Variants in ROS1 observed in about 807,000 individuals in gnomAD.
The protein encoded by ROS1 is ROS proto-oncogene 1, receptor tyrosine kinase, also known as proto-oncogene tyrosine-protein kinase ROS.
A neutral mutation model predicts 273.5 loss-of-function variants in ROS1; 263 were observed. The observed-to-expected ratio is 0.96, with a 90% CI of 0.87 to 1.06. The LOEUF (loss-of-function observed/expected upper bound fraction) is 1.06, where lower values mean the gene tolerates loss of function less well. ROS1 is among the 50% of genes least tolerant of loss of function. The probability of loss-of-function intolerance (pLI) is 0.00; values close to 1 mark genes in which losing one functional copy is unlikely to be tolerated. For missense variants in ROS1, 2,833 were observed against 2,751.1 expected (o/e 1.03, Z -0.67); for synonymous variants, 1,008 against 954.1 (o/e 1.06, Z -1.04).
intron 4 of ROS1, 127 bp downstream of exon 4, chr6:117,414,392 C>A: frequency 4.5e-6 from 3 of 660,600 alleles, no homozygotes; most frequent in Non-Finnish European, 5.4e-6. Context: ...AGTAATAACA[C>A]TTTGAGGAAG....
At chr6:117,312,862 C>G (rs1395545134) in intron 39 of ROS1, among the ~76,000 whole-genome samples, 1 of 152,106 alleles carries the variant, frequency 6.6e-6, no homozygotes, top group African/African-American at 2.4e-5. Flanking sequence ...CCTTTCATAA[C>G]TCAGTGGGAA....
At chr6:117,289,556 C>T (rs563876944) in intron 43 of ROS1, among the ~76,000 whole-genome samples, 8 of 152,234 alleles carry the variant, frequency 5.3e-5, no homozygotes, top group Admixed American at 1.3e-4. Flanking sequence ...TTTATAAGAA[C>T]GTATGAACTA....
chr6:117,365,953 T>G, intron 19 of ROS1, 123 bp downstream of exon 19: 1 of 905,648 alleles, frequency 1.1e-6, no homozygotes, highest in Non-Finnish European at 1.7e-6. Context: ...GCAAACCAAT[T>G]GAAATTACTG....
chr6:117,373,250 C>T (rs1022082426), intron 18 of ROS1, among the ~76,000 whole-genome samples: 2 of 152,224 alleles, frequency 1.3e-5, no homozygotes, highest in Non-Finnish European at 2.9e-5. Context: ...GTGCCAGGGC[C>T]GTGGGTGGAG....
rs767383557 is a variant in ROS1 at position 117,366,070 on chromosome 6, C to G, written c.2797+6G>C. On this transcript the variant is annotated splice_donor_region_variant and intron_variant, in intron 19 of 43. Transcript: ENST00000368507. The stretch of plus-strand genomic sequence containing the variant: ...GAGTAGGGTAAGCAGGAATGAAATA[C>G]TGTACCTGGCAGGGGCTTAAGGGAT... 1 of 1,605,914 alleles carries G rather than the reference C, an allele frequency of 6.2e-7. No homozygotes were observed. The highest frequency in any genetic ancestry group is 1.1e-5 in the South Asian group (1 of 90,902).
At chr6:117,292,824 C>T (rs566195597) in intron 43 of ROS1, among the ~76,000 whole-genome samples, 37 of 152,168 alleles carry the variant, frequency 2.4e-4, no homozygotes, top group Non-Finnish European at 4.4e-4. Flanking sequence ...TTGCCAAGTC[C>T]GATAGCATCT....
intron 2 of ROS1, among the ~76,000 whole-genome samples, chr6:117,416,808 C>G (rs1048263907): frequency 1.3e-5 from 2 of 152,102 alleles, no homozygotes; most frequent in African/African-American, 2.4e-5. Flanking sequence ...CCACAGCTGC[C>G]CTGAAAACCC....
intron 1 of ROS1, 91 bp from the exon 2 acceptor site, chr6:117,418,597 G>A (rs879170382): frequency 1.2e-5 from 11 of 886,036 alleles, no homozygotes; most frequent in South Asian, 3.9e-5. Context: ...CTGAAATAAC[G>A]TTGCCTCCTC....
chr6:117,362,518 G>A, intron 22 of ROS1, 85 bp downstream of exon 22: 1 of 1,327,318 alleles, frequency 7.5e-7, no homozygotes, highest in Middle Eastern at 1.9e-4. Flanking sequence ...CATTTACACT[G>A]TAACATATCC....
rs1776075507 is a variant in ROS1 at position 117,425,552 on chromosome 6, C to T, written c.105G>A (p.Lys35=). 6.2e-7 allele frequency: 1 copy of T among 1,601,390 alleles called. No homozygotes were observed. Among genetic ancestry groups the T allele is most frequent in the Admixed American group, 1.8e-5 (1 of 56,930 alleles). Residue 35 remains lysine, a synonymous_variant, in exon 1 of 44, where the codon AAG becomes AAA. Coordinates refer to ENST00000368507, the MANE Select transcript of ROS1 (RefSeq NM_001378902.1). ...GACTTACCAGATTAGTTACACACGACTTTAGGCAGCTATTTAAAACTGTAC... is the reference window on the plus strand; with the variant it reads ...GACTTACCAGATTAGTTACACACGATTTTAGGCAGCTATTTAAAACTGTAC... ...VQCTVLNSCL[K]SCVTNLGQQL...
intron 32 of ROS1, among the ~76,000 whole-genome samples, 193 bp downstream of exon 32, chr6:117,336,979 G>C (rs1562284916): frequency 1.3e-5 from 2 of 152,084 alleles, no homozygotes; most frequent in Non-Finnish European, 1.5e-5. Flanking sequence ...GATCCAGCCA[G>C]ACCCAGCCAG....
chr6:117,386,233 C>T (rs1188306381), intron 15 of ROS1, among the ~76,000 whole-genome samples: 1 of 152,228 alleles, frequency 6.6e-6, no homozygotes, highest in Non-Finnish European at 1.5e-5. Context: ...CAAGAGGAAG[C>T]CCAGACTCAG....
At chr6:117,330,127 C>T (rs985803142) in intron 32 of ROS1, among the ~76,000 whole-genome samples, 2 of 152,206 alleles carry the variant, frequency 1.3e-5, no homozygotes. Context: ...CTGTGCTTTT[C>T]CCCTGCGGGA....
rs570692958 is a variant in ROS1, at chr6:117,355,545, G to A, written c.4126+1084C>T. ...CCAATACAGTGGCCATTAGCTATTT[G>A]TGGCTTTTGAGCACTTGAAGTTTAG... On this transcript the variant is annotated intron_variant, in intron 26 of 43. Transcript: ENST00000368507. 1.9e-3 allele frequency among the ~76,000 whole-genome samples: 283 copies of A among 152,146 alleles called. 1 individual carries two copies. The highest frequency in any genetic ancestry group is 6.4e-3 in the African/African-American group (264 of 41,518).
At chr6:117,394,413 G>A (rs1773324725) in intron 10 of ROS1, 67 bp from the exon 11 acceptor site, 2 of 1,080,156 alleles carry the variant, frequency 1.9e-6, no homozygotes, top group East Asian at 3.0e-5. Flanking sequence ...TTGTATGAAT[G>A]AGAATTTATT....
Position 117,357,880 on chromosome 6 carries a change from C to T in ROS1, c.3763G>A (p.Val1255Met), listed in dbSNP as rs1215089429. ...QVFDVDLEHK[V>M]KYPREVKIHN... ...ATCTTCACCTCTCTGGGATATTTCA[C>T]CTTGTGTTCAAGATCAACATCAAAT... Residue 1255 changes from valine to methionine, a missense_variant, in exon 25 of 44, where the codon GTG (valine) becomes ATG (methionine). Physicochemically the swap from Val to Met is conservative, Grantham distance 21. Transcript: ENST00000368507. The T allele has an allele frequency of 6.2e-7, 1 of 1,613,554 alleles. No homozygotes were observed. Among genetic ancestry groups the T allele is most frequent in the Non-Finnish European group, 8.5e-7 (1 of 1,179,736 alleles).
intron 27 of ROS1, among the ~76,000 whole-genome samples, chr6:117,347,451 AG>A (rs1778470393): frequency 6.6e-6 from 1 of 152,134 alleles, no homozygotes; most frequent in African/African-American, 2.4e-5. Context: ...TATGAGTTCC[AG>A]GAGTCTTTTT....
intron 42 of ROS1, among the ~76,000 whole-genome samples, chr6:117,302,103 G>A (rs1215672300): frequency 6.6e-6 from 1 of 152,132 alleles, no homozygotes; most frequent in Non-Finnish European, 1.5e-5. Flanking sequence ...ACTCATATAA[G>A]CAGAAAAATT....
chr6:117,362,339 G>A (rs12204043), intron 22 of ROS1, among the ~76,000 whole-genome samples: 1 of 151,640 alleles, frequency 6.6e-6, no homozygotes, highest in Non-Finnish European at 1.5e-5. Context: ...TTTAACTGCA[G>A]TCGTCTTTAA....
Sources: gnomAD v4.1 joint callset for allele counts (sites outside exome capture counted in the v4.1 genomes callset) on GRCh38, gnomAD v4.1.1 for gene constraint, MANE v1.5 for transcripts, NCBI Gene and HGNC (gene_info 2026-07-23, HGNC 2026-07-21) for gene names.